PCNT: variants seen among roughly 807,000 people sequenced by gnomAD.
PCNT encodes the protein kendrin.
In PCNT, 319 loss-of-function variants were observed where a neutral mutation model predicts 380.4. That is an observed-to-expected ratio of 0.84 (90% confidence interval 0.77 to 0.92). The LOEUF is 0.92. Among genes scored for constraint, PCNT ranks in the 40% least tolerant of loss-of-function variants. PCNT has a pLI of 0.00. For synonymous variants in PCNT, 1,845 were observed against 1,735.2 expected (o/e 1.06, Z -1.57); for missense variants, 4,400 against 4,255.3 (o/e 1.03, Z -0.95).
intron 40 of PCNT, 75 bp from the exon 41 acceptor site, chr21:46,438,089 T>C: frequency 8.5e-7 from 1 of 1,179,538 alleles, no homozygotes; most frequent in South Asian, 1.3e-5. Flanking sequence ...TAAAAATAAC[T>C]GTTGACAAAA....
At position 46,385,866 on chromosome 21, in the gene PCNT, T is replaced by C. The variant is rs1228095863; in HGVS notation, c.3347T>C (p.Ile1116Thr). 3 of 1,614,158 alleles carry C rather than the reference T, an allele frequency of 1.9e-6. No individual in the cohort carries two copies. The highest frequency in any genetic ancestry group is 1.1e-5 in the South Asian group (1 of 91,084). The change falls in exon 17 of 47, where the codon ATA becomes ACA. Residue 1116 changes from isoleucine to threonine, a missense_variant. Transcript: ENST00000359568. ...CAGGTTTTATCCTTAAGTCACGAGATAGAAGAGTGCCGCTCCGAGTTGGAG... is the reference window on the plus strand; with the variant it reads ...CAGGTTTTATCCTTAAGTCACGAGACAGAAGAGTGCCGCTCCGAGTTGGAG... ...KDQVLSLSHE[I>T]EECRSELEVL...
At position 46,351,473 on chromosome 21, in the gene PCNT, A is replaced by G. The variant is rs2084269146; in HGVS notation, c.1389A>G (p.Ser463=). ...QASYEDLKAQ[S]QEEIRRLWSQ... is the part of the protein sequence containing the mutation. ...CATATGAAGACCTGAAGGCACAATC[A>G]CAAGAAGAGATCAGGCGCTTGTGGT... Residue 463 remains serine (S), a synonymous_variant, in exon 9 of 47, where the codon TCA becomes TCG. Transcript: ENST00000359568. The G allele has an allele frequency of 6.2e-7, 1 of 1,613,484 alleles. No individual in the cohort carries two copies. Among genetic ancestry groups the G allele is most frequent in the African/African-American group, 1.3e-5 (1 of 75,006 alleles).
intron 12 of PCNT, 66 bp from the exon 13 acceptor site, chr21:46,356,908 C>A: frequency 1.4e-6 from 2 of 1,390,190 alleles, no homozygotes; most frequent in Non-Finnish European, 2.0e-6. Context: ...TCTGCCTGTG[C>A]GGACTGTGGG....
chr21:46,431,172 G>A, intron 37 of PCNT: 1 of 1,209,014 alleles, frequency 8.3e-7, no homozygotes, highest in East Asian at 5.3e-5. Flanking sequence ...GGGGGCAGGA[G>A]CCTCTGGTGG....
chr21:46,382,300 C>T (rs1173918182), intron 16 of PCNT, among the ~76,000 whole-genome samples: 8 of 143,852 alleles, frequency 5.6e-5, no homozygotes, highest in African/African-American at 2.0e-4. Context: ...TGGTGTTGTG[C>T]ATTCAGTGGT....
At position 46,347,455 on chromosome 21, in the gene PCNT, A is replaced by T. The variant is rs1257219320; in HGVS notation, c.977-2A>T. On this transcript the variant is annotated splice_acceptor_variant, in intron 5 of 46. Transcript: ENST00000359568. LOFTEE classifies it high-confidence loss of function. ...CTGAGCTGCTTTTTGTTTTTCTTGC[A>T]GCTGAGCTGAAGGAGAAGTTACAAT... The T allele has an allele frequency of 1.2e-6, 2 of 1,613,914 alleles. No individual in the cohort carries two copies. Among genetic ancestry groups the T allele is most frequent in the East Asian group, 2.2e-5 (1 of 44,856 alleles).
At chr21:46,344,370 G>A (rs1041344131) in intron 3 of PCNT, among the ~76,000 whole-genome samples, 3 of 152,170 alleles carry the variant, frequency 2.0e-5, no homozygotes, top group Admixed American at 6.5e-5. Flanking sequence ...CACCGCGCCC[G>A]GCCCGAGCTC....
intron 15 of PCNT, among the ~76,000 whole-genome samples, chr21:46,371,537 T>C (rs1453708668): frequency 6.6e-6 from 1 of 152,178 alleles, no homozygotes; most frequent in Non-Finnish European, 1.5e-5. Context: ...TGTGTCAGAA[T>C]ATGCGTAAGC....
chr21:46,403,531 T>G (rs2086511555), intron 27 of PCNT, among the ~76,000 whole-genome samples: 1 of 116,744 alleles, frequency 8.6e-6, no homozygotes, highest in South Asian at 3.3e-4. Flanking sequence ...GTGTGCTCGG[T>G]GAATGAACAC....
At position 46,414,828 on chromosome 21, in the gene PCNT, C is replaced by G. The variant is rs369924208; in HGVS notation, c.6151-1241C>G. On this transcript the variant is annotated intron_variant, in intron 29 of 46. Transcript: ENST00000359568. ...TGGACATGCAGCCGCCCACCCTGCTCCTCCTCCTCCTGGACACACAGACAC... is the reference window on the plus strand; with the variant it reads ...TGGACATGCAGCCGCCCACCCTGCTGCTCCTCCTCCTGGACACACAGACAC... Among the ~76,000 whole-genome samples the G allele has an allele frequency of 5.3e-5, 8 of 149,636 alleles. 1 individual carries two copies. The highest frequency in any genetic ancestry group is 4.2e-4 in the South Asian group (2 of 4,746).
At chr21:46,331,383 C>T (rs933946195) in intron 2 of PCNT, among the ~76,000 whole-genome samples, 2 of 151,918 alleles carry the variant, frequency 1.3e-5, no homozygotes, top group Non-Finnish European at 2.9e-5. Context: ...TGGTTATAAG[C>T]GAAGGTAGAA....
chr21:46,376,344 G>C (rs541366944), intron 15 of PCNT, among the ~76,000 whole-genome samples: 13 of 152,350 alleles, frequency 8.5e-5, no homozygotes, highest in Non-Finnish European at 1.6e-4. Flanking sequence ...GGCTCAGAAA[G>C]ATGTTCAAAG....
intron 16 of PCNT, among the ~76,000 whole-genome samples, chr21:46,384,212 G>GGTGTTGTGCGTTCAGTGGCAGAAGCA (rs2085728513): frequency 7.1e-6 from 1 of 140,660 alleles, no homozygotes; most frequent in African/African-American, 2.8e-5. Flanking sequence ...TGGCAGAAGC[G>GGTGTTGTGCGTTCAGTGGCAGAAGCA]CATTCACGGT....
At chr21:46,334,048 T>C (rs1031752070) in intron 2 of PCNT, among the ~76,000 whole-genome samples, 3 of 151,212 alleles carry the variant, frequency 2.0e-5, no homozygotes, top group South Asian at 2.1e-4. Flanking sequence ...CTACTAAAAA[T>C]ACAAAAATTA....
rs922920114 is a variant in PCNT at position 46,325,192 on chromosome 21, G to T, written c.54+910G>T. 7.1e-6 allele frequency: 7 copies of T among 985,576 alleles called. No individual in the cohort carries two copies. The African/African-American group carries it at 1.0e-4, about 15-fold the overall frequency. The allele number at this position is 985,576 out of a possible 1,614,324, so 61.1% of individuals were successfully genotyped here. A position where few individuals can be genotyped will look rare whatever the true frequency, so the allele number is the denominator to read the frequency against. ...GAAAGCGCGAGGCGGAACCGCGGGAGCAGGCCGGCCTCTGCGAGGTGCGCG... is the reference window on the plus strand; with the variant it reads ...GAAAGCGCGAGGCGGAACCGCGGGATCAGGCCGGCCTCTGCGAGGTGCGCG... On this transcript the variant is annotated intron_variant, in intron 1 of 46. Coordinates refer to ENST00000359568, the MANE Select transcript of PCNT (RefSeq NM_006031.6).
At chr21:46,422,848 C>A (rs1342519439) in intron 32 of PCNT, among the ~76,000 whole-genome samples, 1 of 152,248 alleles carries the variant, frequency 6.6e-6, no homozygotes, top group Non-Finnish European at 1.5e-5. Flanking sequence ...CCCGTTGTCT[C>A]AGAGGGCCCT....
chr21:46,420,227 G>T (rs1347975765), intron 31 of PCNT, among the ~76,000 whole-genome samples: 1 of 152,104 alleles, frequency 6.6e-6, no homozygotes, highest in African/African-American at 2.4e-5. Flanking sequence ...CTCCATTCAC[G>T]TATCCTATGA....
At chr21:46,440,024 CT>C (rs1569310831) in intron 41 of PCNT, 58 bp from the exon 42 acceptor site, 1 of 1,610,422 alleles carries the variant, frequency 6.2e-7, no homozygotes. Flanking sequence ...GGCTGCGTCT[CT>C]AAGATGCTCT....
chr21:46,443,344 A>C (rs991054319), intron 44 of PCNT, among the ~76,000 whole-genome samples: 6 of 152,200 alleles, frequency 3.9e-5, no homozygotes, highest in African/African-American at 1.4e-4. Context: ...CAGCCTCCCC[A>C]GTACCTGGGA....
Sources: gnomAD v4.1 joint callset for allele counts (sites outside exome capture counted in the v4.1 genomes callset) on GRCh38, gnomAD v4.1.1 for gene constraint, MANE v1.5 for transcripts, NCBI Gene and HGNC (gene_info 2026-07-23, HGNC 2026-07-21) for gene names.